MAP4K2: variants seen among roughly 807,000 people sequenced by gnomAD.
MAP4K2 encodes the protein mitogen-activated protein kinase kinase kinase kinase 2, also known as B lymphocyte serine/threonine protein kinase.
MAP4K2 carries 85 observed loss-of-function variants against 125.3 expected under a neutral mutation model. The observed-to-expected ratio is 0.68, with a 90% CI of 0.57 to 0.81. The LOEUF (loss-of-function observed/expected upper bound fraction) is 0.81. Ranked by LOEUF, MAP4K2 falls within the 40% of genes least tolerant of loss-of-function variation. The pLI is 0.00. For missense variants in MAP4K2, 923 were observed against 1,056.4 expected, an observed-to-expected ratio of 0.87 and a Z score of 1.75; for synonymous variants, 479 against 445.1, an observed-to-expected ratio of 1.08 and a Z score of -0.96.
chr11:64,796,348 A>T lies in MAP4K2; in HGVS notation c.1676T>A (p.Phe559Tyr). The change falls in exon 24 of 32, where the codon TTT becomes TAT. Residue 559 changes from phenylalanine (F) to tyrosine (Y), a missense_variant. Transcript: ENST00000294066. The stretch of plus-strand genomic sequence containing the variant: ...CTGTTGCTGTAGCCTCCGCTGCTCA[A>T]ACAGGCCTGGGAGGTCATGGGCCCA... Reference protein sequence around the residue: ...HIWAHDLPGLFEQRRLQQQVP... With the variant: ...HIWAHDLPGLYEQRRLQQQVP... 1.3e-6 allele frequency: 2 copies of T among 1,571,578 alleles called. No homozygotes were observed. Among genetic ancestry groups the T allele is most frequent in the Non-Finnish European group, 1.7e-6 (2 of 1,157,710 alleles).
Position 64,788,287 on chromosome 11 carries a change from T to TCCCCCCCCCCCGCCCCCCCCCCCCCCC in MAP4K2, c.*1249_*1250insGGGGGGGGGGGGGGGCGGGGGGGGGGG, listed in dbSNP as rs1332787750. ...ACCATGGGGCCTTTGCTCCAGCTGT[T>TCCCCCCCCCCCGCCCCCCCCCCCCCCC]CCCCCCACCCTGCCCCCACCTTCCC... On this transcript the variant is annotated 3_prime_UTR_variant, in exon 32 of 32. Transcript: ENST00000294066. 6.6e-6 allele frequency: 1 copy of TCCCCCCCCCCCGCCCCCCCCCCCCCCC among 151,922 alleles called. No individual in the cohort carries two copies. The allele number at this position is 151,922 out of a possible 1,614,324, so 9.4% of individuals were successfully genotyped here.
In MAP4K2 at chr11:64,796,396, GA is replaced by G. The variant is rs1223234921; in HGVS notation, c.1634-7del. 2.5e-6 allele frequency: 4 copies of G among 1,610,978 alleles called. No individual in the cohort carries two copies. Among genetic ancestry groups the G allele is most frequent in the African/African-American group, 1.3e-5 (1 of 74,854 alleles). On this transcript the variant is annotated splice_polypyrimidine_tract_variant and splice_region_variant and intron_variant, in intron 23 of 31. Coordinates refer to ENST00000294066, the MANE Select transcript of MAP4K2 (RefSeq NM_004579.5). ...CCAGATGTGCGTGGATTTCCCTGCA[GA>G]AACAGGAAGAGGCCAGGCCTGGGGT...
Position 64,800,131 on chromosome 11 carries a change from G to C in MAP4K2, c.893C>G (p.Ser298Cys). 1 of 1,610,660 alleles carries C rather than the reference G, an allele frequency of 6.2e-7. No homozygotes were observed. Among genetic ancestry groups the C allele is most frequent in the Non-Finnish European group, 8.5e-7 (1 of 1,178,864 alleles). The change falls in exon 12 of 32, where the codon TCC becomes TGC. Residue 298 changes from serine (S) to cysteine (C), a missense_variant. By Grantham distance (112) the Ser-to-Cys change is moderately radical. Around this residue, in one of 2 missense-constraint regions of MAP4K2, gnomAD observed 833 missense variants for 911.4 expected, o/e 0.91. Transcript: ENST00000294066. ...KASDPHLGTP[S>C]PEDCELETYD... Reference sequence around the variant, plus strand: ...TACCTCCAGCTCACAGTCCTCAGGGGAGGGGGTCCCCAGATGAGGGTCACT... The same window carrying C: ...TACCTCCAGCTCACAGTCCTCAGGGCAGGGGGTCCCCAGATGAGGGTCACT...
rs56139846 is a variant in MAP4K2, at chr11:64,787,033, C to CTTTTTTTTTTTTT, written c.*2491_*2503dup. 1 of 137,572 alleles carries CTTTTTTTTTTTTT rather than the reference C, an allele frequency of 7.3e-6. No homozygotes were observed. The highest frequency in any genetic ancestry group is 2.2e-4 in the South Asian group (1 of 4,508). 8.5% of individuals were successfully genotyped at this position (137,572 alleles called of 1,614,324 possible). On this transcript the variant is annotated 3_prime_UTR_variant, in exon 32 of 32. Coordinates refer to ENST00000294066, the MANE Select transcript of MAP4K2 (RefSeq NM_004579.5). Reference sequence around the variant, plus strand: ...CCAGGATATATATATATTTTTTTCTCTTTTTTTTTTTTTTGAGACGGAGTC... The same window carrying CTTTTTTTTTTTTT: ...CCAGGATATATATATATTTTTTTCTCTTTTTTTTTTTTTTTTTTTTTTTTTTTGAGACGGAGTC...
chr11:64,796,459 C>G (rs746957596), intron 23 of MAP4K2, 34 bp downstream of exon 23: 1 of 1,613,606 alleles, frequency 6.2e-7, no homozygotes, highest in Non-Finnish European at 8.5e-7. Flanking sequence ...GGAGCCCCTG[C>G]GGACCCTGCC....
rs572265914 is a variant in MAP4K2, at chr11:64,802,362, G to T, written c.310+57C>A. The T allele has an allele frequency of 7.0e-5, 103 of 1,468,804 alleles. 1 individual carries two copies. In the South Asian group the frequency reaches 1.3e-3, roughly 18 times the overall value. The allele number at this position is 1,468,804 out of a possible 1,614,324, so 91.0% of individuals were successfully genotyped here. ...GCCCAGAGTCCCCTCTGGTACCCCAGTGGGGTAGGGGTGGGGGAAGGCTGG... is the reference window on the plus strand; with the variant it reads ...GCCCAGAGTCCCCTCTGGTACCCCATTGGGGTAGGGGTGGGGGAAGGCTGG... On this transcript the variant is annotated intron_variant, in intron 4 of 31. Transcript: ENST00000294066.
At position 64,791,878 on chromosome 11, in the gene MAP4K2, C is replaced by A. The variant is rs372824495; in HGVS notation, c.2092+31G>T. ...CCCTCGGTCTCTCATGCACACACAC[C>A]CACCCCCAGCAGCCTGGCCCTTCTG... On this transcript the variant is annotated intron_variant, in intron 27 of 31. Coordinates refer to ENST00000294066, the MANE Select transcript of MAP4K2 (RefSeq NM_004579.5). 14 of 1,514,866 alleles carry A rather than the reference C, an allele frequency of 9.2e-6. No homozygotes were observed. In the Admixed American group the frequency reaches 1.9e-4, roughly 20 times the overall value. The allele number at this position is 1,514,866 out of a possible 1,614,324, so 93.8% of individuals were successfully genotyped here.
chr11:64,801,170 C>T lies in MAP4K2; in HGVS notation c.471G>A (p.Val157=). ...CCACAGACGCTGTCAGCTCGCCTGA[C>T]ACCCCAAAGTCAGCTGTGGGGAGAA... The part of the protein sequence containing the change: ...QGDVKLADFG[V]SGELTASVAK... Residue 157 remains valine (V), a synonymous_variant, in exon 8 of 32, where the codon GTG becomes GTA. Coordinates refer to ENST00000294066, the MANE Select transcript of MAP4K2 (RefSeq NM_004579.5). The T allele has an allele frequency of 6.2e-7, 1 of 1,613,084 alleles. No individual in the cohort carries two copies.
chr11:64,794,504 C>T lies in MAP4K2; in HGVS notation c.1751+1769G>A, dbSNP rs61388346. 1.9e-3 allele frequency among the ~76,000 whole-genome samples: 289 copies of T among 152,080 alleles called. 1 individual carries two copies. Among genetic ancestry groups the T allele is most frequent in the East Asian group, 0.013 (68 of 5,148 alleles). Reference sequence around the variant, plus strand: ...CCTCCCGAGTAGCTGGGATTACAGGCGCCCGCCACCATGCCCGGCTAATTT... The same window carrying T: ...CCTCCCGAGTAGCTGGGATTACAGGTGCCCGCCACCATGCCCGGCTAATTT... On this transcript the variant is annotated intron_variant, in intron 24 of 31. Coordinates refer to ENST00000294066, the MANE Select transcript of MAP4K2 (RefSeq NM_004579.5).
chr11:64,796,842 C>T lies in MAP4K2; in HGVS notation c.1459G>A (p.Ala487Thr), dbSNP rs373206883. Reference protein sequence around the residue: ...VFNGCPLRIHAAVTWIHPVTR... With the variant: ...VFNGCPLRIHTAVTWIHPVTR... ...ACAGGGTGAATCCAGGTGACAGCAGCGTGGATCCGCAGGGGGCAGCCATTG... is the reference window on the plus strand; with the variant it reads ...ACAGGGTGAATCCAGGTGACAGCAGTGTGGATCCGCAGGGGGCAGCCATTG... The change falls in exon 21 of 32, where the codon GCT becomes ACT. Residue 487 changes from alanine to threonine, a missense_variant. Coordinates refer to ENST00000294066, the MANE Select transcript of MAP4K2 (RefSeq NM_004579.5). 5 of 1,613,808 alleles carry T rather than the reference C, an allele frequency of 3.1e-6. No homozygotes were observed. Among genetic ancestry groups the T allele is most frequent in the East Asian group, 2.2e-5 (1 of 44,880 alleles).
Position 64,803,154 on chromosome 11 carries a change from C to T in MAP4K2, c.-5G>A, listed in dbSNP as rs1941352726. The T allele has an allele frequency of 7.8e-7, 1 of 1,285,984 alleles. No individual in the cohort carries two copies. Among genetic ancestry groups the T allele is most frequent in the Non-Finnish European group, 9.9e-7 (1 of 1,014,462 alleles). The allele number at this position is 1,285,984 out of a possible 1,614,324, so 79.7% of individuals were successfully genotyped here. On this transcript the variant is annotated 5_prime_UTR_variant, in exon 1 of 32. Coordinates refer to ENST00000294066, the MANE Select transcript of MAP4K2 (RefSeq NM_004579.5). Reference sequence around the variant, plus strand: ...CACATCCCGCAGCAGCGCCATGGCCCGGCGCCGGGCGGGCCGGCAGGCGGG... The same window carrying T: ...CACATCCCGCAGCAGCGCCATGGCCTGGCGCCGGGCGGGCCGGCAGGCGGG...
rs755985538 is a variant in MAP4K2 at position 64,802,957 on chromosome 11, G to C, written c.97-15C>G. ...GTGTCGCGGGCCTGCAGGGGCGGAG[G>C]GTGAAGCGGGATGGGGGGCGGGGCC... On this transcript the variant is annotated splice_polypyrimidine_tract_variant and intron_variant, in intron 1 of 31. Transcript: ENST00000294066. The C allele has an allele frequency of 2.1e-5, 33 of 1,567,108 alleles. No homozygotes were observed. The highest frequency in any genetic ancestry group is 2.7e-5 in the Non-Finnish European group (31 of 1,157,390).
At chr11:64,799,721 C>T (rs774278889) in intron 12 of MAP4K2, 38 bp from the exon 13 acceptor site, 54 of 1,565,104 alleles carry the variant, frequency 3.5e-5, no homozygotes, top group Admixed American at 8.4e-5. Flanking sequence ...ACACCTGGCA[C>T]GCGCCTCATG....
intron 14 of MAP4K2, 51 bp from the exon 15 acceptor site, chr11:64,798,888 G>GT: frequency 6.8e-7 from 1 of 1,465,990 alleles, no homozygotes; most frequent in Non-Finnish European, 9.3e-7. Context: ...CAGATGCAAC[G>GT]TGAGAGGGCG....
At chr11:64,790,725 G>A (rs901082779) in intron 27 of MAP4K2, among the ~76,000 whole-genome samples, 3 of 152,200 alleles carry the variant, frequency 2.0e-5, no homozygotes, top group Non-Finnish European at 2.9e-5. Flanking sequence ...AGGGGACCAG[G>A]CCTCGTGACC....
At chr11:64,802,737 C>T in intron 2 of MAP4K2, 84 bp from the exon 3 acceptor site, 5 of 1,487,212 alleles carry the variant, frequency 3.4e-6, no homozygotes, top group Non-Finnish European at 4.6e-6. Context: ...GCACAGAGTG[C>T]CTCCCTCCGG....
chr11:64,796,602 G>A, intron 22 of MAP4K2, 32 bp downstream of exon 22: 2 of 1,613,902 alleles, frequency 1.2e-6, no homozygotes, highest in African/African-American at 1.3e-5. Context: ...CCCCCACAAG[G>A]CCTCTGCCCC....
At chr11:64,792,311 C>T in intron 25 of MAP4K2, 36 bp from the exon 26 acceptor site, 1 of 1,585,912 alleles carries the variant, frequency 6.3e-7, no homozygotes. Flanking sequence ...CCGGGCTGGG[C>T]CTGCGCTGCC....
chr11:64,800,284 C>T, intron 11 of MAP4K2, 27 bp downstream of exon 11: 3 of 1,613,426 alleles, frequency 1.9e-6, no homozygotes, highest in Non-Finnish European at 2.5e-6. Context: ...GAGTACTGGG[C>T]CTCTCTCCCG....
Sources: allele counts gnomAD v4.1 joint callset (sites outside exome capture counted in the v4.1 genomes callset), GRCh38; gene constraint gnomAD v4.1.1; regional missense constraint gnomAD v4.1.1; transcripts MANE v1.5; gene names NCBI Gene and HGNC (gene_info 2026-07-23, HGNC 2026-07-21).